Variants in PRKAR1A observed in about 807,000 individuals in gnomAD.
PRKAR1A encodes the protein cAMP-dependent protein kinase type I-alpha regulatory subunit.
Under a neutral mutation model 52.0 loss-of-function variants are expected in PRKAR1A, and 3 were observed. That is an observed-to-expected ratio of 0.06 (90% CI 0.03 to 0.15). The LOEUF (loss-of-function observed/expected upper bound fraction) is 0.15. Ranked by LOEUF, PRKAR1A falls within the 10% of genes least tolerant of loss-of-function variation. The probability of loss-of-function intolerance (pLI) is 1.00; values close to 1 mark genes in which losing one functional copy is unlikely to be tolerated. For synonymous variants in PRKAR1A, 188 were observed against 168.4 expected, an observed-to-expected ratio of 1.12 and a Z score of -0.90; for missense variants, 240 against 477.4, an observed-to-expected ratio of 0.50 and a Z score of 4.63.
At chr17:68,524,641 T>TATAA (rs1376119648) in intron 5 of PRKAR1A, among the ~76,000 whole-genome samples, 1 of 151,806 alleles carries the variant, frequency 6.6e-6, no homozygotes, top group Non-Finnish European at 1.5e-5. Flanking sequence ...ATGTCCTTGT[T>TATAA]ATAAATGCCA....
chr17:68,535,326 T>C, downstream of PRKAR1A: 1 of 454,138 alleles, frequency 2.2e-6, no homozygotes, highest in South Asian at 1.6e-5. Context: ...TCAAGCCTAT[T>C]GCTTTCTGTT....
At chr17:68,435,035 C>T in the PRKAR1A span, among the ~76,000 whole-genome samples, 7 of 152,168 alleles carry the variant, frequency 4.6e-5, no homozygotes, top group South Asian at 4.2e-4. Flanking sequence ...AGTGAAACCC[C>T]GTCTCCACTA....
At chr17:68,519,605 A>G (rs951570040) in intron 2 of PRKAR1A, among the ~76,000 whole-genome samples, 3 of 152,190 alleles carry the variant, frequency 2.0e-5, no homozygotes, top group African/African-American at 4.8e-5. Flanking sequence ...ATACAGTCAT[A>G]TTCTCATCAC....
the PRKAR1A span, among the ~76,000 whole-genome samples, chr17:68,481,445 A>G: frequency 1.3e-5 from 2 of 152,100 alleles, no homozygotes. Context: ...ATGATGGGAG[A>G]TAGTGACAGA....
At chr17:68,459,746 A>T in the PRKAR1A span, among the ~76,000 whole-genome samples, 1 of 152,248 alleles carries the variant, frequency 6.6e-6, no homozygotes, top group East Asian at 1.9e-4. Flanking sequence ...GAAATAGGCA[A>T]ATTAATTGGA....
chr17:68,425,411 G>T, the PRKAR1A span, among the ~76,000 whole-genome samples: 4 of 149,834 alleles, frequency 2.7e-5, no homozygotes, highest in East Asian at 5.8e-4. Flanking sequence ...GGTGGAGATG[G>T]GGTTTTGCTG....
chr17:68,453,626 G>A, the PRKAR1A span, among the ~76,000 whole-genome samples: 3 of 151,820 alleles, frequency 2.0e-5, no homozygotes, highest in African/African-American at 4.8e-5. Flanking sequence ...TTACAGGCAT[G>A]CACCACCACG....
chr17:68,512,855 G>A, intron 1 of PRKAR1A: 1 of 151,862 alleles, frequency 6.6e-6, no homozygotes, highest in Non-Finnish European at 1.5e-5. Flanking sequence ...CTCCCCGGCC[G>A]CCTTCGCCCC....
At chr17:68,487,908 A>G in the PRKAR1A span, among the ~76,000 whole-genome samples, 1 of 152,162 alleles carries the variant, frequency 6.6e-6, no homozygotes, top group African/African-American at 2.4e-5. Flanking sequence ...CATAACAGTG[A>G]ACAACAATAA....
intron 1 of PRKAR1A, among the ~76,000 whole-genome samples, chr17:68,514,304 G>C (rs2085361960): frequency 6.6e-6 from 1 of 152,086 alleles, no homozygotes. Flanking sequence ...CATCTCAATA[G>C]TTTACAATGC....
chr17:68,436,404 A>T, the PRKAR1A span: 1 of 1,613,800 alleles, frequency 6.2e-7, no homozygotes, highest in African/African-American at 1.3e-5. Context: ...ATCATAAAGC[A>T]CAATCTCCCC....
chr17:68,500,406 T>TAAGACATGC, the PRKAR1A span, among the ~76,000 whole-genome samples: 1 of 152,226 alleles, frequency 6.6e-6, no homozygotes, highest in Non-Finnish European at 1.5e-5. Context: ...TGCCTCCATG[T>TAAGACATGC]AAGACATGCC....
In PRKAR1A at chr17:68,528,897, C is replaced by G; in HGVS notation, c.797C>G (p.Thr266Arg). 1 of 1,613,888 alleles carries G rather than the reference C, an allele frequency of 6.2e-7. No homozygotes were observed. Among genetic ancestry groups the G allele is most frequent in the Non-Finnish European group, 8.5e-7 (1 of 1,179,830 alleles). ...TCTCTGGACAAGTGGGAACGTCTTA[C>G]GGTAGCTGATGCATTGGAACCAGTG... ...LESLDKWERLTVADALEPVQF... is the reference protein window; with the variant it reads ...LESLDKWERLRVADALEPVQF... Residue 266 changes from threonine to arginine, a missense_variant, in exon 9 of 11, where the codon ACG becomes AGG. Around this residue, in one of 4 missense-constraint regions of PRKAR1A, gnomAD observed 107 missense variants for 290.9 expected, o/e 0.37. Coordinates refer to ENST00000589228, the MANE Select transcript of PRKAR1A (RefSeq NM_002734.5).
At chr17:68,510,411 G>C (rs1378999763), upstream of PRKAR1A, among the ~76,000 whole-genome samples, 2 of 152,176 alleles carry the variant, frequency 1.3e-5, no homozygotes, top group East Asian at 1.9e-4. Flanking sequence ...AGTGCTATAC[G>C]TGTGTTTGCT....
At chr17:68,545,212 G>T (rs550249660) in intron 11 of PRKAR1A, among the ~76,000 whole-genome samples, 1 of 152,320 alleles carries the variant, frequency 6.6e-6, no homozygotes, top group Admixed American at 6.5e-5. Flanking sequence ...CTGTGTTATG[G>T]TATGAAAATA....
chr17:68,434,315 GCCCACA>G, the PRKAR1A span, among the ~76,000 whole-genome samples: 1 of 152,118 alleles, frequency 6.6e-6, no homozygotes, highest in Admixed American at 6.5e-5. Flanking sequence ...TGTGCCGGCC[GCCCACA>G]CACACATCAA....
the PRKAR1A span, among the ~76,000 whole-genome samples, chr17:68,474,857 G>T: frequency 6.6e-6 from 1 of 152,058 alleles, no homozygotes; most frequent in Non-Finnish European, 1.5e-5. Context: ...CTCCAGCCTG[G>T]CAACACAGCA....
rs2085994904 is a variant in PRKAR1A, at chr17:68,532,224, T to C, written c.*1775T>C. The C allele has an allele frequency of 9.6e-7, 1 of 1,036,642 alleles. No individual in the cohort carries two copies. Among genetic ancestry groups the C allele is most frequent in the South Asian group, 4.7e-5 (1 of 21,398 alleles). 64.2% of individuals were successfully genotyped at this position (1,036,642 alleles called of 1,614,324 possible). Reference sequence around the variant, plus strand: ...TATTTAAAAAATTAAAAATGAAAATTACGTTCTTACAAGCTTAAAGCTTGA... The same window carrying C: ...TATTTAAAAAATTAAAAATGAAAATCACGTTCTTACAAGCTTAAAGCTTGA... On this transcript the variant is annotated 3_prime_UTR_variant, in exon 11 of 11. Coordinates refer to ENST00000589228, the MANE Select transcript of PRKAR1A (RefSeq NM_002734.5).
chr17:68,450,267 G>C, the PRKAR1A span, among the ~76,000 whole-genome samples: 1 of 152,208 alleles, frequency 6.6e-6, no homozygotes, highest in South Asian at 2.1e-4. Flanking sequence ...GGTGGGAGAA[G>C]GGCAGCTTTC....
Sources: gnomAD v4.1 joint callset for allele counts (sites outside exome capture counted in the v4.1 genomes callset) on GRCh38, gnomAD v4.1.1 for gene constraint, gnomAD v4.1.1 regional missense constraint, MANE v1.5 for transcripts, NCBI Gene and HGNC (gene_info 2026-07-23, HGNC 2026-07-21) for gene names.